Variants in UGT1A5 observed in about 807,000 individuals in gnomAD.
The protein encoded by UGT1A5 is UDP glucuronosyltransferase family 1 member A5.
In UGT1A5, 29 loss-of-function variants were observed where a neutral mutation model predicts 40.3. The ratio of observed to expected loss-of-function variants is 0.72; its 90% CI spans 0.54 to 0.98. The LOEUF (loss-of-function observed/expected upper bound fraction) is 0.98, where lower values mean the gene tolerates loss of function less well. UGT1A5 is among the 50% of genes least tolerant of loss of function. The pLI is 0.00. For synonymous variants in UGT1A5, 257 were observed against 262.5 expected (o/e 0.98, Z 0.20); for missense variants, 678 against 677.9 (o/e 1.00, Z 0.00).
intron 1 of UGT1A5, chr2:233,760,621 A>G: frequency 1.9e-6 from 3 of 1,614,194 alleles, no homozygotes; most frequent in Non-Finnish European, 2.5e-6. Context: ...TGTGATCAAA[A>G]CATACAAGAA....
At chr2:233,747,911 C>A (rs1693810314) in intron 1 of UGT1A5, 1 of 1,613,394 alleles carries the variant, frequency 6.2e-7, no homozygotes, top group Non-Finnish European at 8.5e-7. Flanking sequence ...CTTATGCAAG[C>A]CTTGCCTCTG....
chr2:233,772,138 AG>A lies in UGT1A5; in HGVS notation c.1308-123del, dbSNP rs1367045628. 6 of 1,548,126 alleles carry A rather than the reference AG, an allele frequency of 3.9e-6. No homozygotes were observed. In the African/African-American group the frequency reaches 8.2e-5, roughly 21 times the overall value. ...TAAAAACAACAACAACAACAATAATAGAAACAGGTTTCCTTTCCCAAGTTTG... is the reference window on the plus strand; with the variant it reads ...TAAAAACAACAACAACAACAATAATAAAACAGGTTTCCTTTCCCAAGTTTG... On this transcript the variant is annotated intron_variant, in intron 4 of 4. Coordinates refer to ENST00000373414, the MANE Select transcript of UGT1A5 (RefSeq NM_019078.2).
chr2:233,757,099 G>A (rs1433024919), intron 1 of UGT1A5, among the ~76,000 whole-genome samples: 3 of 151,280 alleles, frequency 2.0e-5, no homozygotes, highest in Non-Finnish European at 4.4e-5. Flanking sequence ...GCAGAGGGAG[G>A]GGGCAAGCAG....
chr2:233,766,887 T>G, intron 1 of UGT1A5, 147 bp from the exon 2 acceptor site: 1 of 1,461,916 alleles, frequency 6.8e-7, no homozygotes, highest in Non-Finnish European at 9.0e-7. Context: ...CTGTAAAACT[T>G]ACATATTAAT....
At chr2:233,767,231 C>A in intron 2 of UGT1A5, 66 bp downstream of exon 2, 1 of 1,609,938 alleles carries the variant, frequency 6.2e-7, no homozygotes, top group Non-Finnish European at 8.5e-7. Flanking sequence ...AGACTTCCAG[C>A]TTCCAGATTA....
At chr2:233,762,186 C>A (rs1400291325) in intron 1 of UGT1A5, among the ~76,000 whole-genome samples, 1 of 152,134 alleles carries the variant, frequency 6.6e-6, no homozygotes, top group African/African-American at 2.4e-5. Context: ...TCAACACCTG[C>A]CAATGGGTCT....
intron 1 of UGT1A5, among the ~76,000 whole-genome samples, chr2:233,740,072 C>T (rs1243642883): frequency 1.3e-5 from 2 of 151,828 alleles, no homozygotes; most frequent in Admixed American, 1.3e-4. Flanking sequence ...CTTTTCCTCT[C>T]TGTCTCTCGC....
intron 1 of UGT1A5, among the ~76,000 whole-genome samples, chr2:233,725,940 AG>A (rs1419674144): frequency 2.0e-5 from 3 of 152,132 alleles, no homozygotes; most frequent in Non-Finnish European, 4.4e-5. Flanking sequence ...CTGATGCAGG[AG>A]GATTGTTTGA....
chr2:233,746,316 G>C (rs1048806578), intron 1 of UGT1A5, among the ~76,000 whole-genome samples: 1 of 151,828 alleles, frequency 6.6e-6, no homozygotes, highest in African/African-American at 2.4e-5. Flanking sequence ...GGGCCCTGTA[G>C]ATGATCTACA....
chr2:233,761,233 T>G, intron 1 of UGT1A5: 1 of 1,613,114 alleles, frequency 6.2e-7, no homozygotes, highest in South Asian at 1.1e-5. Flanking sequence ...CCCAGATATA[T>G]GCTGAGCAAG....
At position 233,772,328 on chromosome 2, in the gene UGT1A5, G is replaced by A. The variant is rs1288878731; in HGVS notation, c.1374G>A (p.Leu458=). 2 of 1,614,180 alleles carry A rather than the reference G, an allele frequency of 1.2e-6. No individual in the cohort carries two copies. The highest frequency in any genetic ancestry group is 1.7e-6 in the Non-Finnish European group (2 of 1,180,040). The change falls in exon 5 of 5, where the codon CTG becomes CTA. Residue 458 remains leucine (L), a synonymous_variant. Coordinates refer to ENST00000373414, the MANE Select transcript of UGT1A5 (RefSeq NM_019078.2). ...HKDRPVEPLD[L]AVFWVEFVMR... is the part of the protein sequence containing the mutation. ...ACCGCCCGGTGGAGCCGCTGGACCT[G>A]GCCGTGTTCTGGGTGGAGTTTGTGA...
At position 233,772,787 on chromosome 2, in the gene UGT1A5, A is replaced by T; in HGVS notation, c.*228A>T. The T allele has an allele frequency of 4.0e-6, 5 of 1,249,376 alleles. No individual in the cohort carries two copies. Among genetic ancestry groups the T allele is most frequent in the Non-Finnish European group, 4.2e-6 (4 of 942,894 alleles). The allele number at this position is 1,249,376 out of a possible 1,614,324, so 77.4% of individuals were successfully genotyped here. A position where few individuals can be genotyped will look rare whatever the true frequency, so the allele number is the denominator to read the frequency against. The stretch of plus-strand genomic sequence containing the variant: ...GCCCCCTCTGGTGTCTTTGATCAGG[A>T]TGACATGTGCCATTTTTCAGAGGAC... On this transcript the variant is annotated 3_prime_UTR_variant, in exon 5 of 5. Coordinates refer to ENST00000373414, the MANE Select transcript of UGT1A5 (RefSeq NM_019078.2).
At chr2:233,751,940 C>A (rs1176362402) in intron 1 of UGT1A5, among the ~76,000 whole-genome samples, 1 of 152,072 alleles carries the variant, frequency 6.6e-6, no homozygotes, top group Non-Finnish European at 1.5e-5. Flanking sequence ...TGAAGTTATA[C>A]TGAAAGGGTT....
intron 1 of UGT1A5, among the ~76,000 whole-genome samples, chr2:233,762,453 A>T (rs1302924421): frequency 6.6e-6 from 1 of 152,204 alleles, no homozygotes; most frequent in Non-Finnish European, 1.5e-5. Flanking sequence ...CTGCCCACTT[A>T]CCGATAATGT....
chr2:233,761,375 C>T (rs1238115278), intron 1 of UGT1A5, among the ~76,000 whole-genome samples: 2 of 152,226 alleles, frequency 1.3e-5, no homozygotes, highest in Non-Finnish European at 2.9e-5. Context: ...GGACATTTTA[C>T]TCTGTGTGCT....
chr2:233,748,637 G>C (rs1693996531), intron 1 of UGT1A5, among the ~76,000 whole-genome samples: 1 of 151,746 alleles, frequency 6.6e-6, no homozygotes, highest in South Asian at 2.1e-4. Flanking sequence ...TGTGATTATA[G>C]AATTACACAC....
chr2:233,735,402 G>GTC (rs746595831), intron 1 of UGT1A5, among the ~76,000 whole-genome samples: 10 of 152,138 alleles, frequency 6.6e-5, no homozygotes, highest in East Asian at 5.8e-4. Context: ...GCCTATGTGT[G>GTC]TCTCTGCATG....
chr2:233,731,043 C>T (rs765332681), intron 1 of UGT1A5, among the ~76,000 whole-genome samples: 13 of 152,202 alleles, frequency 8.5e-5, no homozygotes, highest in East Asian at 1.9e-4. Context: ...TCATATTCAC[C>T]GAATGTGTAT....
At chr2:233,731,284 C>CTTTTTTTTT (rs78127606) in intron 1 of UGT1A5, among the ~76,000 whole-genome samples, 1 of 139,768 alleles carries the variant, frequency 7.2e-6, no homozygotes. Flanking sequence ...GTTTTTCTTT[C>CTTTTTTTTT]TTTTTTTTTT....
Sources: allele counts gnomAD v4.1 joint callset (sites outside exome capture counted in the v4.1 genomes callset), GRCh38; gene constraint gnomAD v4.1.1; transcripts MANE v1.5; gene names NCBI Gene and HGNC (gene_info 2026-07-23, HGNC 2026-07-21).